Variants in RNF19A observed in about 807,000 individuals in gnomAD.
RNF19A encodes the protein E3 ubiquitin-protein ligase RNF19A.
A neutral mutation model predicts 75.7 loss-of-function variants in RNF19A; 32 were observed. The ratio of observed to expected loss-of-function variants is 0.42; its 90% confidence interval spans 0.32 to 0.57. The LOEUF is 0.57. Ranked by LOEUF, RNF19A falls within the 20% of genes least tolerant of loss-of-function variation. RNF19A has a pLI of 0.10. For synonymous variants in RNF19A, 335 were observed against 345.2 expected (o/e 0.97, Z 0.33); for missense variants, 782 against 1,036.3 (o/e 0.75, Z 3.37).
chr8:100,301,286 C>A (rs1276533086), intron 1 of RNF19A, among the ~76,000 whole-genome samples: 2 of 152,208 alleles, frequency 1.3e-5, no homozygotes, highest in Non-Finnish European at 2.9e-5. Flanking sequence ...CGTGGCAGAG[C>A]TAAAGGCTCA....
At chr8:100,335,809 T>G (rs1199511979) in intron 1 of RNF19A, among the ~76,000 whole-genome samples, 1 of 152,210 alleles carries the variant, frequency 6.6e-6, no homozygotes, top group African/African-American at 2.4e-5. Flanking sequence ...CTGCCCACAG[T>G]CCCTGCGGAG....
In RNF19A at chr8:100,287,364, T is replaced by C. The variant is rs1382781079; in HGVS notation, c.674+137A>G. On this transcript the variant is annotated intron_variant, in intron 2 of 9. Transcript: ENST00000341084. This position sits in a 1 kb window ranked among gnomAD's most constrained non-coding sequence, Gnocchi z 4.1. ...TGCCTTTAACACCTAGCATAGTGCC[T>C]GACATATGGTGTGCACTCAACATGT... The C allele has an allele frequency of 1.0e-5, 7 of 700,720 alleles. No individual in the cohort carries two copies. In the East Asian group the frequency reaches 1.9e-4, roughly 19 times the overall value. The allele number at this position is 700,720 out of a possible 1,614,324, so 43.4% of individuals were successfully genotyped here.
intron 1 of RNF19A, among the ~76,000 whole-genome samples, chr8:100,303,692 C>T (rs138606962): frequency 2.0e-4 from 29 of 148,620 alleles, no homozygotes; most frequent in African/African-American, 6.2e-4. Flanking sequence ...GGAAGGCTGA[C>T]GTGGGCGGAT....
At chr8:100,276,723 C>CAAAAAAAAAAAAAA in intron 2 of RNF19A, among the ~76,000 whole-genome samples, 1 of 80,598 alleles carries the variant, frequency 1.2e-5, no homozygotes, top group Non-Finnish European at 2.8e-5. Flanking sequence ...ACCACTGTAC[C>CAAAAAAAAAAAAAA]AAAAAAAAAA....
chr8:100,258,365 G>A lies in RNF19A; in HGVS notation c.*191C>T. 1 of 527,388 alleles carries A rather than the reference G, an allele frequency of 1.9e-6. No homozygotes were observed. Among genetic ancestry groups the A allele is most frequent in the Non-Finnish European group, 3.3e-6 (1 of 301,192 alleles). 32.7% of individuals were successfully genotyped at this position (527,388 alleles called of 1,614,324 possible). ...ATCCTTAAAATAATGCACTTTTAAA[G>A]CCTTCACTTCATAGTTTGGTAACTA... is the stretch of plus-strand genomic sequence containing the variant. On this transcript the variant is annotated 3_prime_UTR_variant, in exon 10 of 10. Coordinates refer to ENST00000341084, the MANE Select transcript of RNF19A (RefSeq NM_183419.4). The surrounding 1 kb of genome is among the most constrained non-coding windows in gnomAD (Gnocchi z 4.3).
In RNF19A at chr8:100,261,376, G is replaced by A. The variant is rs1419588386; in HGVS notation, c.1682+166C>T. 6.6e-6 allele frequency among the ~76,000 whole-genome samples: 1 copy of A among 152,096 alleles called. No individual in the cohort carries two copies. The highest frequency in any genetic ancestry group is 1.9e-4 in the East Asian group (1 of 5,200). Reference sequence around the variant, plus strand: ...GCTTCCCAACATGCTGGGATTACAGGCGTGAGCCACTGCACCTGGCCCCAA... The same window carrying A: ...GCTTCCCAACATGCTGGGATTACAGACGTGAGCCACTGCACCTGGCCCCAA... On this transcript the variant is annotated intron_variant, in intron 8 of 9. Transcript: ENST00000341084. The surrounding 1 kb of genome is among the most constrained non-coding windows in gnomAD (Gnocchi z 4.4).
intron 1 of RNF19A, among the ~76,000 whole-genome samples, chr8:100,288,829 G>A (rs774157471): frequency 6.6e-6 from 1 of 152,076 alleles, no homozygotes; most frequent in Admixed American, 6.5e-5. Flanking sequence ...GGGAGGCCAG[G>A]ATGGGCGGAT....
At position 100,269,664 on chromosome 8, in the gene RNF19A, CA is replaced by C. The variant is rs1195269698; in HGVS notation, c.1028+204del. On this transcript the variant is annotated intron_variant, in intron 4 of 9. Coordinates refer to ENST00000341084, the MANE Select transcript of RNF19A (RefSeq NM_183419.4). The surrounding 1 kb of genome is among the most constrained non-coding windows in gnomAD (Gnocchi z 5.7). ...TACTAGCATTCTAGTTTAACAAAAA[CA>C]AAAAAAGGAAATATCCATTTCCTAT... is the stretch of plus-strand genomic sequence containing the variant. Among the ~76,000 whole-genome samples, 2 of 151,692 alleles carry C rather than the reference CA, an allele frequency of 1.3e-5. No individual in the cohort carries two copies. The highest frequency in any genetic ancestry group is 2.9e-5 in the Non-Finnish European group (2 of 67,842).
Position 100,284,493 on chromosome 8 carries a change from A to G in RNF19A, c.674+3008T>C, listed in dbSNP as rs1820926502. On this transcript the variant is annotated intron_variant, in intron 2 of 9. Transcript: ENST00000341084. The surrounding 1 kb of genome is among the most constrained non-coding windows in gnomAD (Gnocchi z 4.3). ...TTTGTGGGTAAGACTATGACAACCAATAACACCAAAAATTAATGTATGGCC... is the reference window on the plus strand; with the variant it reads ...TTTGTGGGTAAGACTATGACAACCAGTAACACCAAAAATTAATGTATGGCC... Among the ~76,000 whole-genome samples the G allele has an allele frequency of 6.6e-6, 1 of 152,190 alleles. No homozygotes were observed. Among genetic ancestry groups the G allele is most frequent in the South Asian group, 2.1e-4 (1 of 4,834 alleles).
intron 1 of RNF19A, among the ~76,000 whole-genome samples, chr8:100,328,646 A>G (rs1381679172): frequency 1.3e-5 from 2 of 151,780 alleles, no homozygotes. Flanking sequence ...TAATTTTTGC[A>G]TTTTCAGTAG....
Position 100,269,791 on chromosome 8 carries a change from C to T in RNF19A, c.1028+78G>A, listed in dbSNP as rs546084549. On this transcript the variant is annotated intron_variant, in intron 4 of 9. Coordinates refer to ENST00000341084, the MANE Select transcript of RNF19A (RefSeq NM_183419.4). The surrounding 1 kb of genome is among the most constrained non-coding windows in gnomAD (Gnocchi z 5.7). Reference sequence around the variant, plus strand: ...CAATCCCTTTAAGTATCTTATAAAACCCAAATTTAAGACAAGTTATTTTGT... The same window carrying T: ...CAATCCCTTTAAGTATCTTATAAAATCCAAATTTAAGACAAGTTATTTTGT... 1.2e-4 allele frequency: 138 copies of T among 1,185,368 alleles called. 1 individual carries two copies. Among genetic ancestry groups the T allele is most frequent in the Admixed American group, 6.4e-4 (20 of 31,110 alleles). The allele number at this position is 1,185,368 out of a possible 1,614,324, so 73.4% of individuals were successfully genotyped here. A position where few individuals can be genotyped will look rare whatever the true frequency, so the allele number is the denominator to read the frequency against.
intron 1 of RNF19A, among the ~76,000 whole-genome samples, chr8:100,305,683 G>A (rs1174736409): frequency 6.6e-6 from 1 of 152,054 alleles, no homozygotes; most frequent in African/African-American, 2.4e-5. Flanking sequence ...ATACTTATTC[G>A]ACATCTTTTA....
rs1035756741 is a variant in RNF19A at position 100,332,428 on chromosome 8, T to C, written c.-243+3680A>G. Among the ~76,000 whole-genome samples the C allele has an allele frequency of 6.6e-6, 1 of 152,230 alleles. No individual in the cohort carries two copies. The highest frequency in any genetic ancestry group is 2.4e-5 in the African/African-American group (1 of 41,478). Reference sequence around the variant, plus strand: ...AAGGTGCCTGCTTCTCGTTCCACCATGATTGTAAGTTTTCTGAGGCCTCCT... The same window carrying C: ...AAGGTGCCTGCTTCTCGTTCCACCACGATTGTAAGTTTTCTGAGGCCTCCT... On this transcript the variant is annotated intron_variant, in intron 1 of 3. Coordinates refer to the RNF19A transcript ENST00000519527. The surrounding 1 kb of genome is among the most constrained non-coding windows in gnomAD (Gnocchi z 4.8).
chr8:100,310,907 C>T (rs886432513), upstream of RNF19A, among the ~76,000 whole-genome samples: 3 of 152,208 alleles, frequency 2.0e-5, no homozygotes, highest in African/African-American at 4.8e-5. Context: ...TCAATCTACA[C>T]TAGTCTTGGT....
chr8:100,289,384 G>C (rs1049876460), intron 1 of RNF19A, among the ~76,000 whole-genome samples: 2 of 152,190 alleles, frequency 1.3e-5, no homozygotes, highest in African/African-American at 4.8e-5. Flanking sequence ...TCAACAGACA[G>C]TATTAAGGGT....
rs933327815 is a variant in RNF19A at position 100,325,830 on chromosome 8, G to A, written c.-243+10278C>T. Among the ~76,000 whole-genome samples, 6 of 151,992 alleles carry A rather than the reference G, an allele frequency of 3.9e-5. No individual in the cohort carries two copies. Among genetic ancestry groups the A allele is most frequent in the African/African-American group, 1.2e-4 (5 of 41,372 alleles). ...CTCATAATTTCAATAGATATAACAC[G>A]TCAAGCAAGACTTTAACTCATTTTC... On this transcript the variant is annotated intron_variant, in intron 1 of 3. Coordinates refer to the RNF19A transcript ENST00000519527. This position sits in a 1 kb window ranked among gnomAD's most constrained non-coding sequence, Gnocchi z 4.3.
chr8:100,281,313 A>T (rs1820772634), intron 2 of RNF19A, among the ~76,000 whole-genome samples: 1 of 152,164 alleles, frequency 6.6e-6, no homozygotes, highest in Non-Finnish European at 1.5e-5. Context: ...GGAAAATGCC[A>T]AGTAAAATTA....
At chr8:100,268,395 C>T (rs1274053423) in intron 5 of RNF19A, among the ~76,000 whole-genome samples, 7 of 151,992 alleles carry the variant, frequency 4.6e-5, no homozygotes, top group African/African-American at 1.4e-4. Flanking sequence ...CAAGAACTGG[C>T]TAATTATTCT....
chr8:100,283,120 C>T (rs941825144), intron 2 of RNF19A, among the ~76,000 whole-genome samples: 1 of 151,578 alleles, frequency 6.6e-6, no homozygotes, highest in Non-Finnish European at 1.5e-5. Context: ...TTAATTATGT[C>T]CCAGTATAAT....
Sources: gnomAD v4.1 joint callset for allele counts (sites outside exome capture counted in the v4.1 genomes callset) on GRCh38, gnomAD v4.1.1 for gene constraint, Gnocchi (gnomAD v3.1) non-coding constraint, MANE v1.5 for transcripts, NCBI Gene and HGNC (gene_info 2026-07-23, HGNC 2026-07-21) for gene names.